Variants in IQSEC1 observed in about 807,000 individuals in gnomAD.
IQSEC1 encodes the protein IQ motif and SEC7 domain-containing protein 1.
IQSEC1 carries 31 observed loss-of-function variants against 91.0 expected under a neutral mutation model. That is an observed-to-expected ratio of 0.34 (90% CI 0.26 to 0.46). The LOEUF (loss-of-function observed/expected upper bound fraction) is 0.46, where lower values mean the gene tolerates loss of function less well. Among genes scored for constraint, IQSEC1 ranks in the 20% least tolerant of loss-of-function variants. IQSEC1 has a pLI of 1.00. For synonymous variants in IQSEC1, 699 were observed against 662.6 expected, an observed-to-expected ratio of 1.05 and a Z score of -0.84; for missense variants, 1,388 against 1,575.6, an observed-to-expected ratio of 0.88 and a Z score of 2.02.
At chr3:13,216,967 CA>C (rs1559279319) in intron 1 of IQSEC1, among the ~76,000 whole-genome samples, 1 of 152,140 alleles carries the variant, frequency 6.6e-6, no homozygotes, top group Non-Finnish European at 1.5e-5. Context: ...GAACACACTG[CA>C]AAACTTAGCT....
intron 2 of IQSEC1, among the ~76,000 whole-genome samples, chr3:13,160,975 AC>A (rs1271716564): frequency 2.0e-5 from 3 of 152,382 alleles, no homozygotes; most frequent in African/African-American, 7.2e-5. Flanking sequence ...GGCCACAGAG[AC>A]AACCAGGAGG....
Position 12,909,379 on chromosome 3 carries a change from C to T in IQSEC1, c.2472G>A (p.Val824=), listed in dbSNP as rs1377820785. 1.9e-6 allele frequency: 3 copies of T among 1,614,068 alleles called. No homozygotes were observed. The highest frequency in any genetic ancestry group is 2.7e-5 in the African/African-American group (2 of 74,928). The change falls in exon 11 of 14, where the codon GTG becomes GTA. Residue 824 remains valine (V), a synonymous_variant. Coordinates refer to ENST00000613206, the MANE Select transcript of IQSEC1 (RefSeq NM_001134382.3). This position sits in a 1 kb window ranked among gnomAD's most constrained non-coding sequence, Gnocchi z 4.9. ...GGTTGGGGGCGTTGAAGTTTATTAACACTTTGATATCTGCTCCGGGGACAG... is the reference window on the plus strand; with the variant it reads ...GGTTGGGGGCGTTGAAGTTTATTAATACTTTGATATCTGCTCCGGGGACAG... ...TSSVPGADIK[V]LINFNAPNPQ...
rs1694176423 is a variant in IQSEC1 at position 12,900,817 on chromosome 3, C to T, written c.*166G>A. ...ATGAAATCTGGGCCTTTGTTCCACA[C>T]AACACCAGCCCTGTGGGCTCCTGGG... On this transcript the variant is annotated 3_prime_UTR_variant, in exon 14 of 14. Transcript: ENST00000613206. The T allele has an allele frequency of 1.3e-6, 2 of 1,483,346 alleles. No individual in the cohort carries two copies. The highest frequency in any genetic ancestry group is 1.8e-6 in the Non-Finnish European group (2 of 1,122,548). The allele number at this position is 1,483,346 out of a possible 1,614,324, so 91.9% of individuals were successfully genotyped here.
chr3:12,936,805 T>C lies in IQSEC1; in HGVS notation c.319-108A>G, dbSNP rs1698247139. On this transcript the variant is annotated intron_variant, in intron 2 of 13. Transcript: ENST00000613206. ...CACGTGGCTGTGCGACCTGGGAAGG[T>C]CCCAAAGTTGGTCAAAGCAACTGCT... 6.0e-6 allele frequency: 7 copies of C among 1,162,582 alleles called. No homozygotes were observed. The East Asian group carries it at 1.8e-4, about 30-fold the overall frequency. The allele number at this position is 1,162,582 out of a possible 1,614,324, so 72.0% of individuals were successfully genotyped here.
At chr3:13,055,841 C>A (rs540237917) in intron 1 of IQSEC1, among the ~76,000 whole-genome samples, 3 of 152,274 alleles carry the variant, frequency 2.0e-5, no homozygotes, top group Admixed American at 6.5e-5. Context: ...GGCGGAGGGG[C>A]CCTGGGGTGC....
chr3:12,993,137 A>G (rs1341928446), intron 1 of IQSEC1, among the ~76,000 whole-genome samples: 2 of 152,124 alleles, frequency 1.3e-5, no homozygotes, highest in Admixed American at 1.3e-4. Flanking sequence ...GAGGTCGCCA[A>G]GGCTGTTCTG....
chr3:13,275,146 G>T (rs1295710543), intron 1 of IQSEC1, among the ~76,000 whole-genome samples: 7 of 152,200 alleles, frequency 4.6e-5, no homozygotes, highest in African/African-American at 7.2e-5. Context: ...CTTGTCACAG[G>T]GTTAGAGCAT....
chr3:13,269,439 A>G (rs1428028528), intron 1 of IQSEC1, among the ~76,000 whole-genome samples: 7 of 152,100 alleles, frequency 4.6e-5, no homozygotes, highest in Non-Finnish European at 8.8e-5. Flanking sequence ...GGGGATGCAG[A>G]TGAGAACAGG....
At chr3:13,099,381 T>C (rs1246989318) in intron 2 of IQSEC1, among the ~76,000 whole-genome samples, 1 of 152,226 alleles carries the variant, frequency 6.6e-6, no homozygotes, top group African/African-American at 2.4e-5. Flanking sequence ...CAGCAAGAGT[T>C]GCAACATCTC....
chr3:13,037,719 A>G (rs920672362), intron 1 of IQSEC1, among the ~76,000 whole-genome samples: 9 of 152,226 alleles, frequency 5.9e-5, no homozygotes, highest in Admixed American at 2.0e-4. Context: ...TACAACATGG[A>G]TGAACCTTGA....
chr3:12,967,352 C>G lies in IQSEC1; in HGVS notation c.24-25487G>C. 1 of 1,517,434 alleles carries G rather than the reference C, an allele frequency of 6.6e-7. No individual in the cohort carries two copies. The highest frequency in any genetic ancestry group is 2.5e-5 in the East Asian group (1 of 39,836). 94.0% of individuals were successfully genotyped at this position (1,517,434 alleles called of 1,614,324 possible). A position where few individuals can be genotyped will look rare whatever the true frequency, so the allele number is the denominator to read the frequency against. On this transcript the variant is annotated intron_variant, in intron 1 of 13. Transcript: ENST00000613206. The surrounding 1 kb of genome is among the most constrained non-coding windows in gnomAD (Gnocchi z 5.9). Reference sequence around the variant, plus strand: ...CCTGCGCCAGCCCACCGCTCAGCACCCGGGAAGGCCGCTCGCCCCGCGCCG... The same window carrying G: ...CCTGCGCCAGCCCACCGCTCAGCACGCGGGAAGGCCGCTCGCCCCGCGCCG...
intron 1 of IQSEC1, among the ~76,000 whole-genome samples, chr3:13,000,038 T>C (rs1209667882): frequency 6.6e-6 from 1 of 152,228 alleles, no homozygotes; most frequent in Admixed American, 6.5e-5. Flanking sequence ...AACCTAATGC[T>C]TTTCAAGCAC....
intron 2 of IQSEC1, among the ~76,000 whole-genome samples, chr3:13,146,061 C>T (rs1706891088): frequency 6.6e-6 from 1 of 152,116 alleles, no homozygotes; most frequent in African/African-American, 2.4e-5. Context: ...AATCATCGCT[C>T]ACTGCAGCCT....
At chr3:13,102,911 C>T (rs1002014287) in intron 2 of IQSEC1, among the ~76,000 whole-genome samples, 3 of 152,202 alleles carry the variant, frequency 2.0e-5, no homozygotes, top group African/African-American at 4.8e-5. Context: ...CCTGGGAGGT[C>T]GGAAGTTTCC....
intron 2 of IQSEC1, among the ~76,000 whole-genome samples, chr3:13,132,096 C>T (rs183546941): frequency 6.6e-6 from 1 of 152,298 alleles, no homozygotes; most frequent in Admixed American, 6.5e-5. Flanking sequence ...GTACGTTCTA[C>T]CTTGCTAGAT....
Position 13,259,970 on chromosome 3 carries a change from T to A in IQSEC1, c.272+22741A>T, listed in dbSNP as rs1048992601. ...ATATGACTAATTAGAACAGTCGTGC[T>A]GGCAGGCAGACTTCTGCAAGGAATC... On this transcript the variant is annotated intron_variant, in intron 1 of 15. Transcript: ENST00000648114. The surrounding 1 kb of genome is among the most constrained non-coding windows in gnomAD (Gnocchi z 4.6). Among the ~76,000 whole-genome samples, 2 of 152,284 alleles carry A rather than the reference T, an allele frequency of 1.3e-5. No homozygotes were observed. The highest frequency in any genetic ancestry group is 2.9e-5 in the Non-Finnish European group (2 of 68,054).
intron 1 of IQSEC1, among the ~76,000 whole-genome samples, chr3:13,171,863 G>C (rs112138685): frequency 0.029 from 4,398 of 152,304 alleles, 91 homozygotes; most frequent in Non-Finnish European, 0.045. Flanking sequence ...CTCCCCGACT[G>C]GTTAGAGGTA....
intron 1 of IQSEC1, among the ~76,000 whole-genome samples, chr3:13,269,637 T>G (rs1695559361): frequency 6.6e-6 from 1 of 152,058 alleles, no homozygotes; most frequent in Non-Finnish European, 1.5e-5. Flanking sequence ...CCCCTAAAAG[T>G]GATCCTCCAC....
chr3:13,253,860 G>A (rs1695241438), intron 1 of IQSEC1, among the ~76,000 whole-genome samples: 1 of 152,110 alleles, frequency 6.6e-6, no homozygotes, highest in African/African-American at 2.4e-5. Flanking sequence ...AAATGGCTCT[G>A]ATACCCGGGG....
Sources: gnomAD v4.1 joint callset for allele counts (sites outside exome capture counted in the v4.1 genomes callset) on GRCh38, gnomAD v4.1.1 for gene constraint, Gnocchi (gnomAD v3.1) non-coding constraint, MANE v1.5 for transcripts, NCBI Gene and HGNC (gene_info 2026-07-23, HGNC 2026-07-21) for gene names.